The following LINGO2 variants were observed in gnomAD, a reference collection of about 807,000 sequenced individuals.
LINGO2 encodes the protein leucine-rich repeat and immunoglobulin-like domain-containing nogo receptor-interacting protein 2.
Under a neutral mutation model 30.6 loss-of-function variants are expected in LINGO2, and 14 were observed. The observed-to-expected ratio is 0.46, with a 90% CI of 0.30 to 0.72. The LOEUF (loss-of-function observed/expected upper bound fraction) is 0.72. Ranked by LOEUF, LINGO2 falls within the 30% of genes least tolerant of loss-of-function variation. The pLI, the probability that LINGO2 is intolerant of heterozygous loss-of-function variation, is 0.07. For missense variants in LINGO2, 729 were observed against 751.7 expected (o/e 0.97, Z 0.35); for synonymous variants, 317 against 288.5 (o/e 1.10, Z -1.00).
intron 3 of LINGO2, among the ~76,000 whole-genome samples, chr9:28,315,124 T>TA (rs1307396085): frequency 6.6e-6 from 1 of 150,506 alleles, no homozygotes; most frequent in South Asian, 2.1e-4. Context: ...CAGAGATGGA[T>TA]AAAAAAAGAG....
chr9:28,884,356 T>C, the LINGO2 span, among the ~76,000 whole-genome samples: 1 of 152,244 alleles, frequency 6.6e-6, no homozygotes, highest in Non-Finnish European at 1.5e-5. Flanking sequence ...TTGCTACAAT[T>C]TGATCAGCAA....
intron 3 of LINGO2, among the ~76,000 whole-genome samples, chr9:28,324,011 C>T (rs1825137971): frequency 6.6e-6 from 1 of 152,116 alleles, no homozygotes; most frequent in Admixed American, 6.5e-5. Flanking sequence ...TAGAGAAAGT[C>T]ACAGCTTTCT....
At chr9:27,972,272 G>A (rs934989327) in intron 5 of LINGO2, among the ~76,000 whole-genome samples, 14 of 152,238 alleles carry the variant, frequency 9.2e-5, no homozygotes, top group African/African-American at 2.4e-4. Context: ...GCTGGGTTCC[G>A]GTAACTGAAA....
At chr9:28,199,996 G>GA (rs1332432482) in intron 4 of LINGO2, among the ~76,000 whole-genome samples, 14 of 56,480 alleles carry the variant, frequency 2.5e-4, no homozygotes, top group Non-Finnish European at 5.4e-4. Context: ...ACTTCATTTA[G>GA]GAAAAAAAAA....
chr9:28,829,150 G>C, the LINGO2 span, among the ~76,000 whole-genome samples: 6 of 152,160 alleles, frequency 3.9e-5, no homozygotes, highest in Non-Finnish European at 8.8e-5. Flanking sequence ...GAGAGAAGCA[G>C]CTTGACTTCA....
chr9:27,997,178 A>G (rs943061762), intron 5 of LINGO2, among the ~76,000 whole-genome samples: 1 of 152,174 alleles, frequency 6.6e-6, no homozygotes, highest in Non-Finnish European at 1.5e-5. Flanking sequence ...TTTCTGCAAC[A>G]TTGGTAACTG....
the LINGO2 span, among the ~76,000 whole-genome samples, chr9:28,957,427 C>CTT: frequency 4.6e-5 from 7 of 152,248 alleles, no homozygotes; most frequent in South Asian, 1.5e-3. Context: ...AAATTATCTG[C>CTT]CTGAAGTAAG....
At chr9:28,127,609 T>A (rs942890947) in intron 4 of LINGO2, among the ~76,000 whole-genome samples, 2 of 152,144 alleles carry the variant, frequency 1.3e-5, no homozygotes, top group African/African-American at 4.8e-5. Context: ...AACCTATGAA[T>A]AGGGAATGCA....
intron 1 of LINGO2, among the ~76,000 whole-genome samples, chr9:28,606,313 A>G (rs1453146121): frequency 6.6e-6 from 1 of 152,072 alleles, no homozygotes; most frequent in Non-Finnish European, 1.5e-5. Context: ...CTGTGAAAAT[A>G]AAGAAATAAA....
chr9:27,991,316 AAT>A (rs1460306667), intron 5 of LINGO2, among the ~76,000 whole-genome samples: 1 of 152,004 alleles, frequency 6.6e-6, no homozygotes, highest in East Asian at 1.9e-4. Flanking sequence ...CTTAGAGAGT[AAT>A]TTTTCTCTCC....
chr9:29,094,622 A>C, the LINGO2 span, among the ~76,000 whole-genome samples: 1 of 138,852 alleles, frequency 7.2e-6, no homozygotes, highest in Non-Finnish European at 1.6e-5. Flanking sequence ...GTTAAGTGGA[A>C]TTGAGATGTG....
At chr9:29,105,323 C>T in the LINGO2 span, among the ~76,000 whole-genome samples, 1 of 152,152 alleles carries the variant, frequency 6.6e-6, no homozygotes, top group Admixed American at 6.5e-5. Context: ...CAACCAAGCA[C>T]AGCAACTCAT....
intron 2 of LINGO2, among the ~76,000 whole-genome samples, chr9:28,402,343 C>T (rs934162694): frequency 2.0e-5 from 3 of 151,950 alleles, no homozygotes; most frequent in Admixed American, 6.6e-5. Context: ...GAGGAATAGT[C>T]GCAGTTAAAA....
chr9:27,947,618 G>A (rs1013600722), downstream of LINGO2, among the ~76,000 whole-genome samples: 1 of 152,174 alleles, frequency 6.6e-6, no homozygotes, highest in African/African-American at 2.4e-5. Flanking sequence ...AATATTGTGT[G>A]TACAGTATTC....
At chr9:28,528,760 G>GGTGTGT (rs113637611) in intron 1 of LINGO2, among the ~76,000 whole-genome samples, 7 of 150,174 alleles carry the variant, frequency 4.7e-5, no homozygotes, top group Non-Finnish European at 1.0e-4. Flanking sequence ...CTGCAGCAAA[G>GGTGTGT]GTGTGTGTGT....
At chr9:29,134,016 T>A in the LINGO2 span, among the ~76,000 whole-genome samples, 25 of 152,304 alleles carry the variant, frequency 1.6e-4, 1 homozygote, top group East Asian at 3.5e-3. Flanking sequence ...CTATACTTAA[T>A]AGCTTTAATC....
At chr9:28,771,268 CTTT>C in the LINGO2 span, among the ~76,000 whole-genome samples, 1 of 146,874 alleles carries the variant, frequency 6.8e-6, no homozygotes, top group African/African-American at 2.5e-5. Flanking sequence ...GAACAAAGAG[CTTT>C]TTTTTTTTTG....
chr9:28,343,554 T>A (rs1266970494), intron 3 of LINGO2, among the ~76,000 whole-genome samples: 1 of 152,204 alleles, frequency 6.6e-6, no homozygotes, highest in Non-Finnish European at 1.5e-5. Context: ...AAAGTACTCT[T>A]GGGACTGAGA....
the LINGO2 span, among the ~76,000 whole-genome samples, chr9:28,778,505 C>T: frequency 2.6e-5 from 4 of 152,078 alleles, no homozygotes; most frequent in Non-Finnish European, 5.9e-5. Flanking sequence ...ATTTAATTCT[C>T]TCAAAAGTAC....
Sources: gnomAD v4.1 joint callset for allele counts (sites outside exome capture counted in the v4.1 genomes callset) on GRCh38, gnomAD v4.1.1 for gene constraint, MANE v1.5 for transcripts, NCBI Gene and HGNC (gene_info 2026-07-23, HGNC 2026-07-21) for gene names.